Variants in NHSL1 observed in about 807,000 individuals in gnomAD.
NHSL1 encodes the protein NHS-like protein 1.
NHSL1 carries 48 observed loss-of-function variants against 95.0 expected under a neutral mutation model. The ratio of observed to expected loss-of-function variants is 0.51; its 90% CI spans 0.40 to 0.64. NHSL1 has a LOEUF of 0.64. Ranked by LOEUF, NHSL1 falls within the 30% of genes least tolerant of loss-of-function variation. The pLI is 0.00. For missense variants in NHSL1, 1,971 were observed against 2,077.7 expected, an observed-to-expected ratio of 0.95 and a Z score of 1.00; for synonymous variants, 783 against 833.9, an observed-to-expected ratio of 0.94 and a Z score of 1.05.
At chr6:138,464,204 G>T in intron 3 of NHSL1, 1 of 737,110 alleles carries the variant, frequency 1.4e-6, no homozygotes, top group South Asian at 1.7e-5. Flanking sequence ...CCTGACAGAG[G>T]CTGAGAGGCT....
chr6:138,497,071 C>T (rs573101307), intron 1 of NHSL1, among the ~76,000 whole-genome samples: 1 of 152,148 alleles, frequency 6.6e-6, no homozygotes, highest in Non-Finnish European at 1.5e-5. Flanking sequence ...TTTCCCAGCA[C>T]AGAAGAGACC....
chr6:138,624,630 C>T lies in NHSL1; in HGVS notation c.96+67846G>A, dbSNP rs144447912. Among the ~76,000 whole-genome samples the T allele has an allele frequency of 1.4e-4, 22 of 152,272 alleles. No homozygotes were observed. In the East Asian group the frequency reaches 4.2e-3, roughly 29 times the overall value. ...ATTAAGATCTCTCAGAAACCTTTTG[C>T]TGAGTGACACTCAGATCACTGAGGC... On this transcript the variant is annotated intron_variant, in intron 1 of 3. Coordinates refer to the NHSL1 transcript ENST00000491526.
At chr6:138,457,254 T>C (rs766893789) in intron 3 of NHSL1, among the ~76,000 whole-genome samples, 1 of 152,240 alleles carries the variant, frequency 6.6e-6, no homozygotes, top group Non-Finnish European at 1.5e-5. Context: ...TTAGATGATA[T>C]GCATAACATA....
At chr6:138,509,996 G>A (rs567478340) in intron 1 of NHSL1, among the ~76,000 whole-genome samples, 1 of 152,300 alleles carries the variant, frequency 6.6e-6, no homozygotes, top group South Asian at 2.1e-4. Context: ...TGAAGATTCT[G>A]AAATCACTCT....
chr6:138,453,912 T>C (rs1777405422), intron 3 of NHSL1, among the ~76,000 whole-genome samples: 1 of 151,540 alleles, frequency 6.6e-6, no homozygotes, highest in African/African-American at 2.4e-5. Context: ...CTATCCCATA[T>C]TAAGCGATCC....
chr6:138,660,095 C>T (rs974699070), intron 1 of NHSL1, among the ~76,000 whole-genome samples: 1 of 152,196 alleles, frequency 6.6e-6, no homozygotes, highest in Admixed American at 6.5e-5. Flanking sequence ...TACTCCGTGG[C>T]TGATTCAAAA....
intron 2 of NHSL1, among the ~76,000 whole-genome samples, chr6:138,475,840 G>T (rs1448576502): frequency 6.6e-6 from 1 of 152,138 alleles, no homozygotes; most frequent in Non-Finnish European, 1.5e-5. Flanking sequence ...TCACACGCCT[G>T]TAATCCCAGC....
intron 1 of NHSL1, among the ~76,000 whole-genome samples, chr6:138,557,382 T>C (rs1210789109): frequency 3.9e-5 from 6 of 152,024 alleles, no homozygotes; most frequent in Non-Finnish European, 8.8e-5. Flanking sequence ...CAGTCAATAC[T>C]GTTGCAATAC....
At chr6:138,437,369 TATACAC>T in intron 5 of NHSL1, among the ~76,000 whole-genome samples, 4 of 108,018 alleles carry the variant, frequency 3.7e-5, no homozygotes, top group African/African-American at 1.7e-4. Context: ...CATATATATA[TATACAC>T]ATATATATAT....
chr6:138,629,794 A>G (rs1334733047), intron 1 of NHSL1, among the ~76,000 whole-genome samples: 1 of 152,272 alleles, frequency 6.6e-6, no homozygotes, highest in Non-Finnish European at 1.5e-5. Flanking sequence ...CTTTCTAACC[A>G]TATGTGAAGC....
At chr6:138,671,283 C>T (rs1785366074) in intron 1 of NHSL1, among the ~76,000 whole-genome samples, 1 of 151,690 alleles carries the variant, frequency 6.6e-6, no homozygotes, top group Admixed American at 6.6e-5. Flanking sequence ...ATGGTGAAAC[C>T]CCGTCTCTAC....
chr6:138,641,457 G>A (rs1221209082), intron 1 of NHSL1, among the ~76,000 whole-genome samples: 1 of 152,018 alleles, frequency 6.6e-6, no homozygotes, highest in Non-Finnish European at 1.5e-5. Flanking sequence ...GTTGGTGTGT[G>A]TCTCCACTAA....
chr6:138,635,714 A>T (rs1784878859), intron 1 of NHSL1, among the ~76,000 whole-genome samples: 1 of 152,148 alleles, frequency 6.6e-6, no homozygotes, highest in Non-Finnish European at 1.5e-5. Context: ...AAACACAGAC[A>T]CATCAAAACA....
intron 1 of NHSL1, among the ~76,000 whole-genome samples, chr6:138,644,979 T>C (rs1295865351): frequency 1.3e-5 from 2 of 152,170 alleles, no homozygotes; most frequent in African/African-American, 4.8e-5. Context: ...AACCTAAACA[T>C]CTAAAAGGCC....
intron 1 of NHSL1, among the ~76,000 whole-genome samples, chr6:138,629,870 A>G (rs1784794037): frequency 6.6e-6 from 1 of 152,260 alleles, no homozygotes; most frequent in Non-Finnish European, 1.5e-5. Context: ...GGCTTCATAA[A>G]GTTGTATAGT....
chr6:138,682,149 T>A (rs1489800261), intron 1 of NHSL1, among the ~76,000 whole-genome samples: 8 of 152,128 alleles, frequency 5.3e-5, no homozygotes, highest in Non-Finnish European at 1.0e-4. Context: ...AATTTTTGTA[T>A]TTTTAGTAGA....
chr6:138,650,487 T>A, intron 1 of NHSL1: 6 of 804,180 alleles, frequency 7.5e-6, no homozygotes, highest in Non-Finnish European at 1.1e-5. Context: ...GTGGAGGCTG[T>A]CATCCACCAG....
At chr6:138,671,302 T>C (rs559423653) in intron 1 of NHSL1, among the ~76,000 whole-genome samples, 1 of 151,324 alleles carries the variant, frequency 6.6e-6, no homozygotes, top group Middle Eastern at 3.4e-3. Context: ...ACTAAAAAAT[T>C]AGCCGGGCAT....
chr6:138,627,796 G>A (rs529590766), intron 1 of NHSL1, among the ~76,000 whole-genome samples: 19 of 152,164 alleles, frequency 1.2e-4, no homozygotes, highest in African/African-American at 3.9e-4. Flanking sequence ...CAGGAGAATC[G>A]CTTGAACCTG....
Sources: allele counts gnomAD v4.1 joint callset (sites outside exome capture counted in the v4.1 genomes callset), GRCh38; gene constraint gnomAD v4.1.1; transcripts MANE v1.5; gene names NCBI Gene and HGNC (gene_info 2026-07-23, HGNC 2026-07-21).